Variants in SHANK2 observed in about 807,000 individuals in gnomAD.
SHANK2 encodes SH3 and multiple ankyrin repeat domains protein 2.
Under a neutral mutation model 133.7 loss-of-function variants are expected in SHANK2, and 43 were observed. The observed-to-expected ratio is 0.32, with a 90% CI of 0.25 to 0.41. SHANK2 has a LOEUF of 0.41. Among genes scored for constraint, SHANK2 ranks in the 10% least tolerant of loss-of-function variants. The probability of loss-of-function intolerance (pLI) is 1.00; values close to 1 mark genes in which losing one functional copy is unlikely to be tolerated. For missense variants in SHANK2, 1,994 were observed against 2,235.8 expected (o/e 0.89, Z 2.18); for synonymous variants, 1,017 against 952.8 (o/e 1.07, Z -1.24).
intron 14 of SHANK2, 46 bp from the exon 15 acceptor site, chr11:70,698,809 C>A (rs1945455996): frequency 1.4e-6 from 1 of 718,138 alleles, no homozygotes; most frequent in Admixed American, 2.0e-5. Flanking sequence ...AGTCATGGTC[C>A]CCGAACGCGG....
intron 1 of SHANK2, among the ~76,000 whole-genome samples, chr11:71,234,565 G>A (rs375174641): frequency 8.6e-5 from 13 of 151,122 alleles, no homozygotes; most frequent in East Asian, 5.8e-4. Context: ...ACTCCGAGTC[G>A]GGGGGCCTGT....
intron 20 of SHANK2, 46 bp downstream of exon 20, chr11:70,501,877 T>C: frequency 1.9e-6 from 3 of 1,552,542 alleles, no homozygotes; most frequent in Non-Finnish European, 2.6e-6. Flanking sequence ...GGGGGTGCCC[T>C]AGACAGCAGG....
At chr11:70,694,666 C>T (rs543478076) in intron 15 of SHANK2, among the ~76,000 whole-genome samples, 1 of 152,194 alleles carries the variant, frequency 6.6e-6, no homozygotes, top group Admixed American at 6.5e-5. Context: ...GCCCTGGTGA[C>T]CATGGCCTCC....
chr11:71,057,948 C>G (rs1351679426), intron 9 of SHANK2, among the ~76,000 whole-genome samples: 1 of 133,772 alleles, frequency 7.5e-6, no homozygotes, highest in African/African-American at 3.1e-5. Flanking sequence ...GGGTCTCAGT[C>G]TGTCACCCAG....
intron 1 of SHANK2, among the ~76,000 whole-genome samples, chr11:71,250,127 T>TG (rs78908394): frequency 0.38 from 56,851 of 151,338 alleles, 11,438 homozygotes; most frequent in East Asian, 0.79. Context: ...TCCCCGGGGG[T>TG]GGGGGGGAAT....
chr11:70,564,225 C>T (rs1326013396), intron 17 of SHANK2, among the ~76,000 whole-genome samples: 1 of 151,474 alleles, frequency 6.6e-6, no homozygotes, highest in Non-Finnish European at 1.5e-5. Flanking sequence ...GGAAAAAGTT[C>T]CCTCATTATT....
At chr11:70,824,462 T>C (rs1948607078) in intron 11 of SHANK2, among the ~76,000 whole-genome samples, 1 of 152,004 alleles carries the variant, frequency 6.6e-6, no homozygotes, top group South Asian at 2.1e-4. Flanking sequence ...CACTCCTAAT[T>C]TCTCAAAGCA....
At chr11:70,742,673 A>G (rs1946554048) in intron 14 of SHANK2, among the ~76,000 whole-genome samples, 1 of 152,170 alleles carries the variant, frequency 6.6e-6, no homozygotes, top group Non-Finnish European at 1.5e-5. Flanking sequence ...TGTCAGCACT[A>G]ATCTGTTTAG....
At chr11:70,855,031 G>A (rs534400349) in intron 11 of SHANK2, among the ~76,000 whole-genome samples, 7 of 152,312 alleles carry the variant, frequency 4.6e-5, no homozygotes, top group East Asian at 1.9e-4. Context: ...GGCCCGGCCC[G>A]TAGTCCTGAA....
chr11:70,851,951 T>C (rs1027363186), intron 11 of SHANK2, among the ~76,000 whole-genome samples: 2 of 152,160 alleles, frequency 1.3e-5, no homozygotes, highest in African/African-American at 4.8e-5. Context: ...TTAATAAGAA[T>C]CACTGCCCCA....
intron 8 of SHANK2, among the ~76,000 whole-genome samples, chr11:71,081,844 C>T (rs1951305193): frequency 6.6e-6 from 1 of 152,316 alleles, no homozygotes; most frequent in East Asian, 1.9e-4. Flanking sequence ...CTCGGCCGCT[C>T]GTGCCCAGGG....
intron 1 of SHANK2, among the ~76,000 whole-genome samples, chr11:71,238,297 C>A (rs549678756): frequency 1.3e-5 from 2 of 152,356 alleles, no homozygotes; most frequent in South Asian, 4.1e-4. Flanking sequence ...ACCCAACAAT[C>A]CAACACAGAT....
chr11:70,852,213 A>G (rs929274199), intron 11 of SHANK2, among the ~76,000 whole-genome samples: 2 of 152,232 alleles, frequency 1.3e-5, no homozygotes, highest in Admixed American at 6.5e-5. Context: ...CTGTTTCCAA[A>G]GCATTTGCAC....
chr11:70,492,086 G>A (rs1555155929), intron 22 of SHANK2, among the ~76,000 whole-genome samples: 2 of 152,178 alleles, frequency 1.3e-5, no homozygotes, highest in Non-Finnish European at 2.9e-5. Flanking sequence ...AAGTATGACA[G>A]GACACCTTCG....
rs1362549079 is a variant in SHANK2 at position 71,110,063 on chromosome 11, C to T, written c.484-14G>A. 4 of 1,509,834 alleles carry T rather than the reference C, an allele frequency of 2.6e-6. No individual in the cohort carries two copies. Among genetic ancestry groups the T allele is most frequent in the Non-Finnish European group, 3.6e-6 (4 of 1,109,202 alleles). 93.5% of individuals were successfully genotyped at this position (1,509,834 alleles called of 1,614,324 possible). ...CTTCAGATTGGTCTAGAAGGAAAAA[C>T]AATACAATTGAAACATCTTTATAAG... On this transcript the variant is annotated splice_polypyrimidine_tract_variant and intron_variant, in intron 5 of 25. Coordinates refer to ENST00000601538, the MANE Select transcript of SHANK2 (RefSeq NM_012309.5).
intron 17 of SHANK2, among the ~76,000 whole-genome samples, chr11:70,613,763 G>GTT (rs57180024): frequency 2.4e-5 from 3 of 123,774 alleles, no homozygotes; most frequent in Middle Eastern, 5.6e-3. Context: ...AGGGGAACTT[G>GTT]TTTTTTTTTT....
intron 10 of SHANK2, among the ~76,000 whole-genome samples, chr11:70,921,019 GTC>G (rs781809546): frequency 6.6e-6 from 1 of 152,142 alleles, no homozygotes; most frequent in Non-Finnish European, 1.5e-5. Context: ...CTGATTCCAT[GTC>G]TGAGACAAGA....
rs182156433 is a variant in SHANK2, at chr11:70,742,580, C to T, written c.1778-43817G>A. 2.1e-3 allele frequency among the ~76,000 whole-genome samples: 318 copies of T among 152,326 alleles called. 2 individuals are homozygous for T. The highest frequency in any genetic ancestry group is 7.0e-3 in the African/African-American group (293 of 41,580). ...AGATCCACAGTCCCAGTCCAGTTCACGCCACCCCCCACCCGGCTCTGCCAT... is the reference window on the plus strand; with the variant it reads ...AGATCCACAGTCCCAGTCCAGTTCATGCCACCCCCCACCCGGCTCTGCCAT... On this transcript the variant is annotated intron_variant, in intron 14 of 25. Coordinates refer to ENST00000601538, the MANE Select transcript of SHANK2 (RefSeq NM_012309.5).
chr11:70,775,232 C>T (rs1426561456), intron 14 of SHANK2, among the ~76,000 whole-genome samples: 5 of 152,100 alleles, frequency 3.3e-5, no homozygotes, highest in African/African-American at 1.2e-4. Flanking sequence ...CCGAGGCAGG[C>T]GGATCACAAG....
Sources: gnomAD v4.1 joint callset for allele counts (sites outside exome capture counted in the v4.1 genomes callset) on GRCh38, gnomAD v4.1.1 for gene constraint, MANE v1.5 for transcripts, NCBI Gene and HGNC (gene_info 2026-07-23, HGNC 2026-07-21) for gene names.